EPB41L1: variants seen among roughly 807,000 people sequenced by gnomAD.
EPB41L1 encodes band 4.1-like protein 1.
A neutral mutation model predicts 97.8 loss-of-function variants in EPB41L1; 29 were observed. The observed-to-expected ratio is 0.30, with a 90% confidence interval of 0.22 to 0.40. The LOEUF (loss-of-function observed/expected upper bound fraction) is 0.40. Ranked by LOEUF, EPB41L1 falls within the 10% of genes least tolerant of loss-of-function variation. The pLI, the probability that EPB41L1 is intolerant of heterozygous loss-of-function variation, is 1.00. For synonymous variants in EPB41L1, 383 were observed against 459.2 expected (o/e 0.83, Z 2.12); for missense variants, 812 against 1,162.3 (o/e 0.70, Z 4.38).
chr20:36,164,900 G>GGTCT (rs2060675207), intron 1 of EPB41L1, among the ~76,000 whole-genome samples: 1 of 152,010 alleles, frequency 6.6e-6, no homozygotes, highest in South Asian at 2.1e-4. Flanking sequence ...TGGTTAGGCT[G>GGTCT]GTCTCGAACT....
intron 1 of EPB41L1, among the ~76,000 whole-genome samples, chr20:36,173,551 G>A (rs1002839805): frequency 3.9e-5 from 6 of 152,142 alleles, no homozygotes; most frequent in Non-Finnish European, 7.4e-5. Flanking sequence ...CACAGGGTGG[G>A]AGGGGTGCCT....
intron 1 of EPB41L1, among the ~76,000 whole-genome samples, chr20:36,094,017 C>G (rs2057752433): frequency 6.6e-6 from 1 of 152,160 alleles, no homozygotes; most frequent in African/African-American, 2.4e-5. Flanking sequence ...CTCAGGAGAC[C>G]TCTCTACTTT....
intron 2 of EPB41L1, among the ~76,000 whole-genome samples, chr20:36,124,503 A>G (rs1320828399): frequency 6.6e-6 from 1 of 152,158 alleles, no homozygotes; most frequent in Non-Finnish European, 1.5e-5. Context: ...TAGCAAATTT[A>G]TTCCAGTCTC....
chr20:36,219,995 T>C, intron 19 of EPB41L1, 151 bp downstream of exon 19: 1 of 790,116 alleles, frequency 1.3e-6, no homozygotes, highest in East Asian at 2.7e-5. Flanking sequence ...CTTTGTCCTG[T>C]GCCACATGTT....
intron 2 of EPB41L1, among the ~76,000 whole-genome samples, chr20:36,145,234 C>CA (rs1253729284): frequency 1.3e-5 from 2 of 151,674 alleles, no homozygotes; most frequent in Non-Finnish European, 2.9e-5. Flanking sequence ...ACTAAAAATA[C>CA]AAAAAAATTA....
chr20:36,181,918 G>C (rs1241130631), intron 5 of EPB41L1, among the ~76,000 whole-genome samples: 1 of 152,152 alleles, frequency 6.6e-6, no homozygotes, highest in African/African-American at 2.4e-5. Flanking sequence ...TTACTGCCTG[G>C]GCCTCAGTGT....
Position 36,207,015 on chromosome 20 carries a change from C to G in EPB41L1, c.1669-2473C>G. On this transcript the variant is annotated intron_variant, in intron 14 of 21. Coordinates refer to ENST00000338074, the MANE Select transcript of EPB41L1 (RefSeq NM_012156.2). This position sits in a 1 kb window ranked among gnomAD's most constrained non-coding sequence, Gnocchi z 4.9. ...CCAAAGAGAGGGGAGTGGTTCCCAC[C>G]CAGAAAGGAGGGGCTGAGCTGAAGG... 1.6e-6 allele frequency: 2 copies of G among 1,289,906 alleles called. No individual in the cohort carries two copies. Among genetic ancestry groups the G allele is most frequent in the Non-Finnish European group, 2.0e-6 (2 of 988,880 alleles). The allele number at this position is 1,289,906 out of a possible 1,614,324, so 79.9% of individuals were successfully genotyped here.
At chr20:36,153,798 G>A (rs1199349870), upstream of EPB41L1, among the ~76,000 whole-genome samples, 1 of 152,164 alleles carries the variant, frequency 6.6e-6, no homozygotes, top group Non-Finnish European at 1.5e-5. Flanking sequence ...GTGGCTTGAG[G>A]TCCCCACCTT....
At chr20:36,146,018 A>G (rs935718524) in intron 2 of EPB41L1, among the ~76,000 whole-genome samples, 1 of 152,100 alleles carries the variant, frequency 6.6e-6, no homozygotes, top group Non-Finnish European at 1.5e-5. Context: ...CCTGCCTTTA[A>G]TGCCCAACCC....
intron 11 of EPB41L1, among the ~76,000 whole-genome samples, chr20:36,192,024 G>A (rs373210186): frequency 6.6e-6 from 1 of 152,078 alleles, no homozygotes; most frequent in Non-Finnish European, 1.5e-5. Context: ...TCAGGAGTTC[G>A]AGACCAGCCT....
intron 1 of EPB41L1, among the ~76,000 whole-genome samples, chr20:36,109,305 C>T (rs190702943): frequency 5.3e-5 from 8 of 152,304 alleles, no homozygotes; most frequent in East Asian, 1.9e-4. Context: ...ATCCTGGCCA[C>T]GCCCTTCACT....
At chr20:36,223,144 C>T (rs937210291) in intron 21 of EPB41L1, among the ~76,000 whole-genome samples, 4 of 152,174 alleles carry the variant, frequency 2.6e-5, no homozygotes, top group African/African-American at 4.8e-5. Context: ...GTGATCTGCC[C>T]GCCTTGGCCT....
chr20:36,177,385 C>T (rs909729221), intron 3 of EPB41L1, among the ~76,000 whole-genome samples: 2 of 152,198 alleles, frequency 1.3e-5, no homozygotes, highest in African/African-American at 4.8e-5. Flanking sequence ...GTACTTCCAG[C>T]AGAAGCTGAT....
chr20:36,185,728 G>A (rs1354956012), intron 7 of EPB41L1, among the ~76,000 whole-genome samples: 1 of 152,176 alleles, frequency 6.6e-6, no homozygotes, highest in Non-Finnish European at 1.5e-5. Flanking sequence ...TCCTATACTG[G>A]CTCTGCCACT....
chr20:36,190,640 C>G lies in EPB41L1; in HGVS notation c.1143C>G (p.Pro381=). The G allele has an allele frequency of 6.2e-7, 1 of 1,611,786 alleles. No homozygotes were observed. Among genetic ancestry groups the G allele is most frequent in the Non-Finnish European group, 8.5e-7 (1 of 1,179,020 alleles). The stretch of plus-strand genomic sequence containing the variant: ...GCTGCAGGCTGGTGTCCCCTGAGCC[C>G]CCACCCAAGGGCTTCCTGGTGATGG... ...HTFFRLVSPE[P]PPKGFLVMGS... Residue 381 remains proline (P), a synonymous_variant, in exon 11 of 22, where the codon CCC becomes CCG. Transcript: ENST00000338074. This position sits in a 1 kb window ranked among gnomAD's most constrained non-coding sequence, Gnocchi z 5.8.
intron 14 of EPB41L1, among the ~76,000 whole-genome samples, chr20:36,199,072 A>G (rs2062357808): frequency 6.6e-6 from 1 of 152,240 alleles, no homozygotes; most frequent in Non-Finnish European, 1.5e-5. Flanking sequence ...GGATAAAGAA[A>G]GCATGTTTCA....
upstream of EPB41L1, among the ~76,000 whole-genome samples, chr20:36,153,665 C>G (rs73902983): frequency 1.3e-5 from 2 of 152,134 alleles, no homozygotes; most frequent in Admixed American, 6.5e-5. Flanking sequence ...GAGATAGGAA[C>G]GTCCAGCCCT....
intron 2 of EPB41L1, among the ~76,000 whole-genome samples, chr20:36,127,126 C>G (rs1487241273): frequency 6.6e-6 from 1 of 152,214 alleles, no homozygotes; most frequent in African/African-American, 2.4e-5. Flanking sequence ...CTCATCCATA[C>G]CCCGCCTCCC....
At chr20:36,201,067 G>A in intron 14 of EPB41L1, 1 of 431,776 alleles carries the variant, frequency 2.3e-6, no homozygotes, top group Admixed American at 2.5e-5. Flanking sequence ...CTGGGGTGAG[G>A]GGAATGTACC....
Sources: allele counts gnomAD v4.1 joint callset (sites outside exome capture counted in the v4.1 genomes callset), GRCh38; gene constraint gnomAD v4.1.1; non-coding constraint Gnocchi (gnomAD v3.1); transcripts MANE v1.5; gene names NCBI Gene and HGNC (gene_info 2026-07-23, HGNC 2026-07-21).